TFPI: variants seen among roughly 807,000 people sequenced by gnomAD.
TFPI encodes the protein tissue factor pathway inhibitor.
TFPI carries 15 observed loss-of-function variants against 34.6 expected under a neutral mutation model. That is an observed-to-expected ratio of 0.43 (90% confidence interval 0.29 to 0.67). TFPI has a LOEUF of 0.67. Ranked by LOEUF, TFPI falls within the 30% of genes least tolerant of loss-of-function variation. TFPI has a pLI of 0.15. For missense variants in TFPI, 301 were observed against 364.0 expected, an observed-to-expected ratio of 0.83 and a Z score of 1.41; for synonymous variants, 105 against 120.1, an observed-to-expected ratio of 0.87 and a Z score of 0.82.
chr2:187,519,636 TG>T (rs1411979599), intron 1 of TFPI: 1 of 152,386 alleles, frequency 6.6e-6, no homozygotes, highest in Non-Finnish European at 1.5e-5. Flanking sequence ...GGGATCCACT[TG>T]AGGAGGCAGT....
chr2:187,538,963 A>G (rs1488429159), intron 1 of TFPI, among the ~76,000 whole-genome samples: 1 of 152,166 alleles, frequency 6.6e-6, no homozygotes, highest in African/African-American at 2.4e-5. Context: ...TGGGTCTAAT[A>G]TTTAAACATT....
chr2:187,502,708 G>A (rs1043939249), intron 2 of TFPI, among the ~76,000 whole-genome samples: 2 of 151,904 alleles, frequency 1.3e-5, no homozygotes, highest in Admixed American at 1.3e-4. Context: ...TACTTTATAC[G>A]GAAATAAACT....
chr2:187,473,187 A>C (rs1692161872), intron 6 of TFPI, among the ~76,000 whole-genome samples: 1 of 152,164 alleles, frequency 6.6e-6, no homozygotes, highest in Admixed American at 6.6e-5. Flanking sequence ...AAGCACATAT[A>C]AATGAGAATA....
At chr2:187,478,835 G>A (rs878904471) in intron 6 of TFPI, 2 of 1,570,056 alleles carry the variant, frequency 1.3e-6, no homozygotes, top group Non-Finnish European at 8.8e-7. Flanking sequence ...AATAAAAAAT[G>A]TGAGTCATCT....
rs1691733485 is a variant in TFPI at position 187,466,687 on chromosome 2, A to C, written c.*249T>G. ...AGTATGATAATTTGTAGTTAAATGAAAATACAGATAGATCCAGAAAATAAG... is the reference window on the plus strand; with the variant it reads ...AGTATGATAATTTGTAGTTAAATGACAATACAGATAGATCCAGAAAATAAG... On this transcript the variant is annotated 3_prime_UTR_variant, in exon 8 of 8. Coordinates refer to ENST00000233156, the MANE Select transcript of TFPI (RefSeq NM_006287.6). 3.8e-6 allele frequency: 1 copy of C among 264,356 alleles called. No homozygotes were observed. Among genetic ancestry groups the C allele is most frequent in the Non-Finnish European group, 7.3e-6 (1 of 136,748 alleles). The allele number at this position is 264,356 out of a possible 1,614,324, so 16.4% of individuals were successfully genotyped here.
intron 1 of TFPI, among the ~76,000 whole-genome samples, chr2:187,541,544 A>G (rs568277713): frequency 2.6e-5 from 4 of 152,350 alleles, no homozygotes; most frequent in South Asian, 4.1e-4. Context: ...ATATGTAGCT[A>G]TGGAGCTCAG....
intron 6 of TFPI, chr2:187,478,454 T>C: frequency 4.4e-6 from 2 of 453,682 alleles, no homozygotes; most frequent in Non-Finnish European, 7.1e-6. Flanking sequence ...AGGAAAAAAA[T>C]GACTTTTTTT....
chr2:187,464,312 A>G lies in TFPI; in HGVS notation c.*2624T>C, dbSNP rs1019347904. Reference sequence around the variant, plus strand: ...GAGTGGTTTTCAGCATGATCTGTTAATTTTGAATACAGAGAATGAACAAAG... The same window carrying G: ...GAGTGGTTTTCAGCATGATCTGTTAGTTTTGAATACAGAGAATGAACAAAG... On this transcript the variant is annotated 3_prime_UTR_variant, in exon 8 of 8. Transcript: ENST00000233156. The G allele has an allele frequency of 6.6e-6, 1 of 152,176 alleles. No homozygotes were observed. The highest frequency in any genetic ancestry group is 1.5e-5 in the Non-Finnish European group (1 of 68,020). 9.4% of individuals were successfully genotyped at this position (152,176 alleles called of 1,614,324 possible). A position where few individuals can be genotyped will look rare whatever the true frequency, so the allele number is the denominator to read the frequency against.
At chr2:187,515,173 A>T (rs1686914862) in intron 1 of TFPI, 2 of 152,234 alleles carry the variant, frequency 1.3e-5, no homozygotes, top group East Asian at 1.9e-4. Flanking sequence ...TTTGGCAGCA[A>T]CAGCCCTGCT....
At chr2:187,517,095 T>C (rs1487487806) in intron 1 of TFPI, 3 of 152,194 alleles carry the variant, frequency 2.0e-5, no homozygotes, top group African/African-American at 7.2e-5. Flanking sequence ...AAAGTAAAAT[T>C]GCCTTACTAA....
At chr2:187,506,928 C>A (rs190793540) in intron 1 of TFPI, among the ~76,000 whole-genome samples, 3 of 152,120 alleles carry the variant, frequency 2.0e-5, no homozygotes, top group Admixed American at 2.0e-4. Flanking sequence ...TTTTTTTATA[C>A]TTTAAGTTCT....
At chr2:187,511,055 C>G (rs1252119847) in intron 1 of TFPI, among the ~76,000 whole-genome samples, 1 of 152,180 alleles carries the variant, frequency 6.6e-6, no homozygotes, top group Non-Finnish European at 1.5e-5. Flanking sequence ...GGGACTCCAG[C>G]CAGCTTGAGC....
rs183027594 is a variant in TFPI, at chr2:187,469,550, G to A, written c.629-1618C>T. Among the ~76,000 whole-genome samples, 9 of 152,164 alleles carry A rather than the reference G, an allele frequency of 5.9e-5. No homozygotes were observed. The South Asian group carries it at 8.3e-4, about 14-fold the overall frequency. On this transcript the variant is annotated intron_variant, in intron 6 of 7. Transcript: ENST00000233156. ...ACATATAGATAGTAAAATAGTTGCTGTAGTGAAGCAGATTAACATACCCAT... is the reference window on the plus strand; with the variant it reads ...ACATATAGATAGTAAAATAGTTGCTATAGTGAAGCAGATTAACATACCCAT...
At chr2:187,469,886 T>C (rs1691935971) in intron 6 of TFPI, among the ~76,000 whole-genome samples, 1 of 152,170 alleles carries the variant, frequency 6.6e-6, no homozygotes, top group African/African-American at 2.4e-5. Context: ...AATTGATTTG[T>C]ACTATTGTAC....
At chr2:187,490,549 A>G (rs1241491624) in intron 3 of TFPI, among the ~76,000 whole-genome samples, 1 of 151,618 alleles carries the variant, frequency 6.6e-6, no homozygotes, top group Admixed American at 6.6e-5. Flanking sequence ...TCTTATGATT[A>G]GTGCTTACAT....
At chr2:187,478,620 T>C in intron 6 of TFPI, 3 of 1,576,208 alleles carry the variant, frequency 1.9e-6, no homozygotes, top group Non-Finnish European at 2.6e-6. Flanking sequence ...AGCAGTATGC[T>C]ATCAAAGGCA....
At chr2:187,543,570 C>G (rs1341207218) in intron 1 of TFPI, among the ~76,000 whole-genome samples, 1 of 152,188 alleles carries the variant, frequency 6.6e-6, no homozygotes, top group Admixed American at 6.5e-5. Context: ...TTTGTTTGCT[C>G]ATGAAACATT....
At chr2:187,481,901 A>G (rs564165032) in intron 6 of TFPI, among the ~76,000 whole-genome samples, 3 of 152,166 alleles carry the variant, frequency 2.0e-5, no homozygotes, top group African/African-American at 4.8e-5. Context: ...CATGTTGTCA[A>G]TTCTTACTGC....
In TFPI at chr2:187,464,948, T is replaced by G. The variant is rs980344760; in HGVS notation, c.*1988A>C. 1.3e-5 allele frequency: 2 copies of G among 152,178 alleles called. No homozygotes were observed. Among genetic ancestry groups the G allele is most frequent in the African/African-American group, 4.8e-5 (2 of 41,448 alleles). The allele number at this position is 152,178 out of a possible 1,614,324, so 9.4% of individuals were successfully genotyped here. On this transcript the variant is annotated 3_prime_UTR_variant, in exon 8 of 8. Coordinates refer to ENST00000233156, the MANE Select transcript of TFPI (RefSeq NM_006287.6). ...GTACCCTGACTTCACATGAATGGCC[T>G]GGAGGGGATCATATTTTTAAACAGG...
Sources: gnomAD v4.1 joint callset for allele counts (sites outside exome capture counted in the v4.1 genomes callset) on GRCh38, gnomAD v4.1.1 for gene constraint, MANE v1.5 for transcripts, NCBI Gene and HGNC (gene_info 2026-07-23, HGNC 2026-07-21) for gene names.